RASGRP3: variants seen among roughly 807,000 people sequenced by gnomAD.
RASGRP3 encodes the protein RAS guanyl releasing protein 3, also known as ras guanyl-releasing protein 3.
Under a neutral mutation model 82.7 loss-of-function variants are expected in RASGRP3, and 54 were observed. The ratio of observed to expected loss-of-function variants is 0.65; its 90% CI spans 0.52 to 0.82. The LOEUF is 0.82. Ranked by LOEUF, RASGRP3 falls within the 40% of genes least tolerant of loss-of-function variation. The probability of loss-of-function intolerance (pLI) is 0.00; values close to 1 mark genes in which losing one functional copy is unlikely to be tolerated. For missense variants in RASGRP3, 861 were observed against 828.9 expected (o/e 1.04, Z -0.48); for synonymous variants, 309 against 300.5 (o/e 1.03, Z -0.29).
chr2:33,536,902 C>T (rs1673669246), intron 11 of RASGRP3, among the ~76,000 whole-genome samples: 3 of 152,154 alleles, frequency 2.0e-5, no homozygotes, highest in Admixed American at 2.0e-4. Context: ...AAGACAGCAT[C>T]TAGGGGTGTG....
intron 4 of RASGRP3, among the ~76,000 whole-genome samples, chr2:33,518,771 C>A (rs141433027): frequency 8.1e-4 from 123 of 151,942 alleles, no homozygotes; most frequent in African/African-American, 2.8e-3. Flanking sequence ...CACGCATTAG[C>A]CTAGGTTTAG....
At chr2:33,522,140 C>A in intron 7 of RASGRP3, 38 bp downstream of exon 7, 1 of 1,571,246 alleles carries the variant, frequency 6.4e-7, no homozygotes, top group Non-Finnish European at 8.6e-7. Flanking sequence ...AGGATAACAA[C>A]CACCATGCCA....
At chr2:33,546,422 CAAA>C (rs776842532) in intron 13 of RASGRP3, among the ~76,000 whole-genome samples, 6 of 79,522 alleles carry the variant, frequency 7.5e-5, no homozygotes, top group Admixed American at 1.5e-4. Flanking sequence ...GACTCCGTCT[CAAA>C]AAAAAAAAAA....
At chr2:33,451,804 G>T (rs368795984) in intron 2 of RASGRP3, among the ~76,000 whole-genome samples, 1 of 151,924 alleles carries the variant, frequency 6.6e-6, no homozygotes, top group Non-Finnish European at 1.5e-5. Flanking sequence ...CTTTACCTAA[G>T]CATTCTGCTC....
chr2:33,537,328 C>A (rs1357688585), intron 11 of RASGRP3, among the ~76,000 whole-genome samples: 12 of 66,374 alleles, frequency 1.8e-4, no homozygotes, highest in African/African-American at 4.0e-4. Context: ...ACACCGCCCC[C>A]CCCACACACA....
At chr2:33,475,869 C>G (rs13419584), upstream of RASGRP3, among the ~76,000 whole-genome samples, 16,681 of 152,276 alleles carry the variant, frequency 0.11, 1,279 homozygotes, top group East Asian at 0.42. Context: ...AGCGCGTTGT[C>G]AACTTGGTGA....
At position 33,556,231 on chromosome 2, in the gene RASGRP3, C is replaced by CTTTTTTTTTTT. The variant is rs573022728; in HGVS notation, c.1579+681_1579+691dup. On this transcript the variant is annotated intron_variant, in intron 15 of 17. Coordinates refer to ENST00000403687, the MANE Select transcript of RASGRP3 (RefSeq NM_001139488.2). ...CAGTTTATATGGTTCTTCTAATAAT[C>CTTTTTTTTTTT]TTTTTTTTTTTTTTTTTTTTTTTTT... Among the ~76,000 whole-genome samples, 31 of 57,498 alleles carry CTTTTTTTTTTT rather than the reference C, an allele frequency of 5.4e-4. 3 individuals are homozygous for CTTTTTTTTTTT. The highest frequency in any genetic ancestry group is 2.8e-3 in the African/African-American group (26 of 9,310). The allele number at this position is 57,498 out of a possible 152,430, so 37.7% of individuals were successfully genotyped here. A position where few individuals can be genotyped will look rare whatever the true frequency, so the allele number is the denominator to read the frequency against.
chr2:33,488,726 A>G (rs1427432077), intron 1 of RASGRP3, among the ~76,000 whole-genome samples: 1 of 152,230 alleles, frequency 6.6e-6, no homozygotes, highest in Non-Finnish European at 1.5e-5. Context: ...AAGCTTTAAA[A>G]TGTTCTCAAT....
intron 2 of RASGRP3, among the ~76,000 whole-genome samples, chr2:33,450,045 G>T (rs987212790): frequency 6.6e-6 from 1 of 152,120 alleles, no homozygotes; most frequent in African/African-American, 2.4e-5. Context: ...AGAGTCTTCG[G>T]AAGACTCAAT....
chr2:33,542,501 G>GAA (rs1674369415), intron 12 of RASGRP3, among the ~76,000 whole-genome samples: 1 of 147,122 alleles, frequency 6.8e-6, no homozygotes, highest in Non-Finnish European at 1.5e-5. Flanking sequence ...TGCATTAAAT[G>GAA]TATGCTTTAA....
At chr2:33,521,675 G>A (rs141310227) in intron 6 of RASGRP3, among the ~76,000 whole-genome samples, 105 of 152,262 alleles carry the variant, frequency 6.9e-4, no homozygotes, top group Non-Finnish European at 1.3e-3. Flanking sequence ...TACTAGCCCC[G>A]ACCTTTCCTG....
chr2:33,512,371 A>G (rs1671008220), intron 2 of RASGRP3, among the ~76,000 whole-genome samples: 1 of 152,184 alleles, frequency 6.6e-6, no homozygotes, highest in Admixed American at 6.5e-5. Flanking sequence ...GTTCTAAGTA[A>G]TATGTCTACT....
intron 1 of RASGRP3, among the ~76,000 whole-genome samples, chr2:33,504,849 A>C (rs1350046653): frequency 6.6e-6 from 1 of 152,188 alleles, no homozygotes; most frequent in East Asian, 1.9e-4. Flanking sequence ...GCAGTTGTTA[A>C]AAATGCCTTC....
In RASGRP3 at chr2:33,515,125, G is replaced by A. The variant is rs113370628; in HGVS notation, c.-12G>A. 301 of 1,613,478 alleles carry A rather than the reference G, an allele frequency of 1.9e-4. 1 individual carries two copies. In the African/African-American group the frequency reaches 3.3e-3, roughly 18 times the overall value. ...AAAATGTCTCTAGTTTTTTGACAACGGCTAAATAACCATGGGATCAAGTGG... is the reference window on the plus strand; with the variant it reads ...AAAATGTCTCTAGTTTTTTGACAACAGCTAAATAACCATGGGATCAAGTGG... On this transcript the variant is annotated 5_prime_UTR_variant, in exon 3 of 18. Transcript: ENST00000403687.
chr2:33,509,059 T>G (rs6743600), intron 1 of RASGRP3, among the ~76,000 whole-genome samples: 25,445 of 152,102 alleles, frequency 0.17, 2,516 homozygotes, highest in Non-Finnish European at 0.22. Context: ...CACCTAGGTT[T>G]GCTTGATATG....
chr2:33,519,606 C>T (rs114240521), intron 4 of RASGRP3, among the ~76,000 whole-genome samples: 1 of 152,266 alleles, frequency 6.6e-6, no homozygotes, highest in African/African-American at 2.4e-5. Context: ...GACTCCATCT[C>T]AAAACAATGT....
intron 2 of RASGRP3, among the ~76,000 whole-genome samples, chr2:33,449,562 C>A (rs1243120990): frequency 6.6e-6 from 1 of 152,094 alleles, no homozygotes; most frequent in Admixed American, 6.6e-5. Flanking sequence ...GAGATTGAGA[C>A]CATTGTGGCC....
At chr2:33,455,175 G>A (rs1165050162) in intron 2 of RASGRP3, among the ~76,000 whole-genome samples, 1 of 152,142 alleles carries the variant, frequency 6.6e-6, no homozygotes, top group African/African-American at 2.4e-5. Flanking sequence ...TCTTATGGAT[G>A]TAAGAAAAAA....
At chr2:33,445,107 C>G (rs962935966) in intron 1 of RASGRP3, among the ~76,000 whole-genome samples, 2 of 152,192 alleles carry the variant, frequency 1.3e-5, no homozygotes, top group African/African-American at 4.8e-5. Context: ...AGGAAGTATG[C>G]TATAATAATC....
Sources: allele counts gnomAD v4.1 joint callset (sites outside exome capture counted in the v4.1 genomes callset), GRCh38; gene constraint gnomAD v4.1.1; transcripts MANE v1.5; gene names NCBI Gene and HGNC (gene_info 2026-07-23, HGNC 2026-07-21).